KAZN: variants seen among roughly 807,000 people sequenced by gnomAD.
KAZN encodes the protein kazrin, periplakin interacting protein, also known as kazrin.
KAZN carries 40 observed loss-of-function variants against 87.4 expected under a neutral mutation model. That is an observed-to-expected ratio of 0.46 (90% CI 0.36 to 0.60). The LOEUF (loss-of-function observed/expected upper bound fraction) is 0.60. Among genes scored for constraint, KAZN ranks in the 20% least tolerant of loss-of-function variants. The pLI is 0.00. For synonymous variants in KAZN, 466 were observed against 458.3 expected (o/e 1.02, Z -0.22); for missense variants, 898 against 1,073.9 (o/e 0.84, Z 2.29).
chr1:15,098,849 A>G (rs1181670315), intron 10 of KAZN, among the ~76,000 whole-genome samples: 1 of 152,206 alleles, frequency 6.6e-6, no homozygotes, highest in East Asian at 1.9e-4. Context: ...CTATGAGACA[A>G]ACACTGGTGA....
chr1:15,042,406 G>A (rs12135730), intron 3 of KAZN, among the ~76,000 whole-genome samples: 33,329 of 151,954 alleles, frequency 0.22, 3,863 homozygotes, highest in Non-Finnish European at 0.26. Context: ...AAAGAAAACA[G>A]GTTAGAGAGG....
At chr1:14,344,538 A>G (rs1657972424) in intron 2 of KAZN, among the ~76,000 whole-genome samples, 1 of 152,150 alleles carries the variant, frequency 6.6e-6, no homozygotes, top group South Asian at 2.1e-4. Flanking sequence ...AAAAACTCCT[A>G]TTTTTATGCA....
At position 15,066,015 on chromosome 1, in the gene KAZN, C is replaced by T. The variant is rs921794951; in HGVS notation, c.1222+262C>T. On this transcript the variant is annotated intron_variant, in intron 8 of 14. Coordinates refer to ENST00000376030, the MANE Select transcript of KAZN (RefSeq NM_201628.3). The surrounding 1 kb of genome is among the most constrained non-coding windows in gnomAD (Gnocchi z 4.3). ...CCACCTCTGTAATTGATGTACATAC[C>T]GCAAACCGTGTGTGAACCTGTCAAC... is the stretch of plus-strand genomic sequence containing the variant. 9.3e-6 allele frequency: 12 copies of T among 1,288,456 alleles called. No individual in the cohort carries two copies. Among genetic ancestry groups the T allele is most frequent in the South Asian group, 2.6e-5 (1 of 38,944 alleles). 79.8% of individuals were successfully genotyped at this position (1,288,456 alleles called of 1,614,324 possible).
At chr1:14,775,341 G>A (rs976333635) in intron 1 of KAZN, among the ~76,000 whole-genome samples, 1 of 152,234 alleles carries the variant, frequency 6.6e-6, no homozygotes, top group Non-Finnish European at 1.5e-5. Context: ...AGGGTTTTAT[G>A]AGCATTCTGT....
intron 1 of KAZN, among the ~76,000 whole-genome samples, chr1:14,116,938 A>G (rs931582012): frequency 1.4e-4 from 22 of 152,194 alleles, no homozygotes; most frequent in African/African-American, 5.1e-4. Context: ...TTGGACTTGC[A>G]TGGAGCCTGT....
At chr1:14,304,727 T>G in intron 2 of KAZN, 1 of 398,100 alleles carries the variant, frequency 2.5e-6, no homozygotes, top group Non-Finnish European at 4.4e-6. Context: ...AAATCTCTTT[T>G]CTAGTACATG....
At chr1:13,940,086 G>A (rs183658710) in intron 1 of KAZN, among the ~76,000 whole-genome samples, 1 of 152,260 alleles carries the variant, frequency 6.6e-6, no homozygotes, top group Non-Finnish European at 1.5e-5. Context: ...ATACTCACCT[G>A]TAGTTTTCTT....
intron 1 of KAZN, among the ~76,000 whole-genome samples, chr1:14,771,296 A>T (rs1645012250): frequency 6.6e-6 from 1 of 152,192 alleles, no homozygotes; most frequent in Non-Finnish European, 1.5e-5. Flanking sequence ...GAAAACAAAG[A>T]TGCCAAGACA....
At chr1:14,999,200 G>A (rs1668203499) in intron 2 of KAZN, among the ~76,000 whole-genome samples, 1 of 152,162 alleles carries the variant, frequency 6.6e-6, no homozygotes, top group Non-Finnish European at 1.5e-5. Flanking sequence ...TTCATGTGTT[G>A]AGCCTGGTTG....
chr1:14,587,603 G>A (rs893020650), intron 2 of KAZN, among the ~76,000 whole-genome samples: 6 of 151,852 alleles, frequency 4.0e-5, no homozygotes, highest in African/African-American at 1.5e-4. Flanking sequence ...AGTGAGAGTG[G>A]GGGGCGGGTG....
At chr1:14,734,413 C>T (rs570671919) in intron 1 of KAZN, among the ~76,000 whole-genome samples, 61 of 151,346 alleles carry the variant, frequency 4.0e-4, no homozygotes, top group Admixed American at 1.9e-3. Flanking sequence ...AAGTGATTCT[C>T]CTGCCTCAGC....
chr1:13,961,773 G>A (rs1000593275), intron 1 of KAZN, among the ~76,000 whole-genome samples: 44 of 152,252 alleles, frequency 2.9e-4, no homozygotes, highest in African/African-American at 1.1e-3. Context: ...TTGGGAGGGA[G>A]GAATTAGCAG....
At chr1:15,064,437 G>A (rs776367984) in intron 7 of KAZN, among the ~76,000 whole-genome samples, 6 of 152,206 alleles carry the variant, frequency 3.9e-5, no homozygotes, top group African/African-American at 1.4e-4. Context: ...CCCCGGTTAC[G>A]CATGATGCCA....
At chr1:13,947,091 C>T (rs1641175236) in intron 1 of KAZN, among the ~76,000 whole-genome samples, 1 of 152,072 alleles carries the variant, frequency 6.6e-6, no homozygotes, top group Non-Finnish European at 1.5e-5. Context: ...TGTTTTCACA[C>T]TGCTATAAAG....
rs1014887649 is a variant in KAZN at position 14,856,403 on chromosome 1, G to A, written c.227-104281G>A. Among the ~76,000 whole-genome samples, 7 of 152,198 alleles carry A rather than the reference G, an allele frequency of 4.6e-5. No homozygotes were observed. The highest frequency in any genetic ancestry group is 2.0e-4 in the Admixed American group (3 of 15,276). Reference sequence around the variant, plus strand: ...TCAATGCTAAGGAATTTTGAAGAAGGAGGCAATATTTCCATAGGTGGCATA... The same window carrying A: ...TCAATGCTAAGGAATTTTGAAGAAGAAGGCAATATTTCCATAGGTGGCATA... On this transcript the variant is annotated intron_variant, in intron 1 of 14. Transcript: ENST00000376030. The surrounding 1 kb of genome is among the most constrained non-coding windows in gnomAD (Gnocchi z 5.2).
At chr1:14,190,773 C>A (rs1170950728) in intron 2 of KAZN, among the ~76,000 whole-genome samples, 1 of 152,154 alleles carries the variant, frequency 6.6e-6, no homozygotes, top group Non-Finnish European at 1.5e-5. Context: ...CAGCTCCCAG[C>A]AAACCTACTG....
intron 2 of KAZN, among the ~76,000 whole-genome samples, chr1:14,540,767 G>A (rs1406769437): frequency 2.0e-5 from 3 of 152,188 alleles, no homozygotes; most frequent in Admixed American, 2.0e-4. Flanking sequence ...TTCCTGACAC[G>A]TTGGAAAATA....
chr1:14,129,689 G>T (rs1038404787), intron 1 of KAZN, among the ~76,000 whole-genome samples: 2 of 152,118 alleles, frequency 1.3e-5, no homozygotes, highest in African/African-American at 4.8e-5. Context: ...CTTGTCCATT[G>T]TCCATTTTCC....
intron 1 of KAZN, among the ~76,000 whole-genome samples, chr1:14,029,091 C>T (rs1359998982): frequency 7.6e-5 from 11 of 145,548 alleles, no homozygotes; most frequent in African/African-American, 2.8e-4. Flanking sequence ...GTCCCACCAA[C>T]AGTGTAAAAG....
Sources: allele counts gnomAD v4.1 joint callset (sites outside exome capture counted in the v4.1 genomes callset), GRCh38; gene constraint gnomAD v4.1.1; non-coding constraint Gnocchi (gnomAD v3.1); transcripts MANE v1.5; gene names NCBI Gene and HGNC (gene_info 2026-07-23, HGNC 2026-07-21).